ROBO1: variants seen among roughly 807,000 people sequenced by gnomAD.
ROBO1 encodes roundabout homolog 1.
Under a neutral mutation model 195.9 loss-of-function variants are expected in ROBO1, and 149 were observed. That is an observed-to-expected ratio of 0.76 (90% CI 0.67 to 0.87). ROBO1 has a LOEUF of 0.87. ROBO1 is among the 40% of genes least tolerant of loss of function. The pLI is 0.00. For missense variants in ROBO1, 1,933 were observed against 2,068.3 expected (o/e 0.93, Z 1.27); for synonymous variants, 816 against 733.2 (o/e 1.11, Z -1.82).
Position 79,234,631 on chromosome 3 carries a change from C to G in ROBO1, c.89-109092G>C, listed in dbSNP as rs757525772. On this transcript the variant is annotated intron_variant, in intron 2 of 30. Coordinates refer to ENST00000464233, the MANE Select transcript of ROBO1 (RefSeq NM_002941.4). ...TATGGTACATATACACCATGGAATA[C>G]TATGCAGCCATAAAAAGAATGAAAT... is the stretch of plus-strand genomic sequence containing the variant. Among the ~76,000 whole-genome samples, 8 of 152,092 alleles carry G rather than the reference C, an allele frequency of 5.3e-5. 1 individual carries two copies. Among genetic ancestry groups the G allele is most frequent in the Admixed American group, 2.6e-4 (4 of 15,264 alleles).
chr3:79,755,939 G>A (rs1267623973), intron 1 of ROBO1, among the ~76,000 whole-genome samples: 3 of 152,160 alleles, frequency 2.0e-5, no homozygotes, highest in Non-Finnish European at 4.4e-5. Flanking sequence ...ATACTCAACA[G>A]GAAGTCCTCC....
rs374218937 is a variant in ROBO1 at position 78,768,873 on chromosome 3, T to C, written c.500-21973A>G. 5.5e-4 allele frequency among the ~76,000 whole-genome samples: 77 copies of C among 138,940 alleles called. No homozygotes were observed. The East Asian group carries it at 0.012, about 22-fold the overall frequency. The allele number at this position is 138,940 out of a possible 152,430, so 91.2% of individuals were successfully genotyped here. A position where few individuals can be genotyped will look rare whatever the true frequency, so the allele number is the denominator to read the frequency against. ...CCCTTCCTGTGTCCATGTGATCTCA[T>C]TGTTCAATTCCCACCTATGAGTGAG... is the stretch of plus-strand genomic sequence containing the variant. On this transcript the variant is annotated intron_variant, in intron 4 of 30. Coordinates refer to ENST00000464233, the MANE Select transcript of ROBO1 (RefSeq NM_002941.4).
At chr3:79,096,492 T>C (rs2079568902) in intron 3 of ROBO1, among the ~76,000 whole-genome samples, 1 of 151,746 alleles carries the variant, frequency 6.6e-6, no homozygotes, top group East Asian at 1.9e-4. Flanking sequence ...TGTAATCTGG[T>C]GGAATAACTC....
chr3:78,624,485 A>C (rs1278089122), intron 26 of ROBO1, among the ~76,000 whole-genome samples: 2 of 152,092 alleles, frequency 1.3e-5, no homozygotes. Flanking sequence ...AAAATAGTCA[A>C]ATTGATTGTA....
At chr3:78,884,305 C>A (rs1055185615) in intron 4 of ROBO1, among the ~76,000 whole-genome samples, 1 of 151,960 alleles carries the variant, frequency 6.6e-6, no homozygotes, top group Non-Finnish European at 1.5e-5. Context: ...AGCAAGAAAG[C>A]CAGTTATCAA....
intron 2 of ROBO1, among the ~76,000 whole-genome samples, chr3:79,338,476 G>C (rs1300311732): frequency 1.3e-5 from 2 of 152,070 alleles, no homozygotes; most frequent in Non-Finnish European, 2.9e-5. Flanking sequence ...CTGATTACCA[G>C]ATTCAGAGTC....
intron 2 of ROBO1, among the ~76,000 whole-genome samples, chr3:79,566,363 T>C (rs1559998284): frequency 6.6e-6 from 1 of 152,114 alleles, no homozygotes; most frequent in Non-Finnish European, 1.5e-5. Context: ...AAATAAATTA[T>C]AATTTGCATT....
intron 2 of ROBO1, among the ~76,000 whole-genome samples, chr3:79,308,521 C>T (rs573844512): frequency 4.6e-5 from 7 of 152,068 alleles, no homozygotes; most frequent in Admixed American, 2.6e-4. Context: ...TAGTACTATG[C>T]GAATTAGTGT....
intron 21 of ROBO1, among the ~76,000 whole-genome samples, chr3:78,642,896 A>G (rs1175671436): frequency 6.6e-6 from 1 of 152,066 alleles, no homozygotes; most frequent in Non-Finnish European, 1.5e-5. Flanking sequence ...AGCCTCCACA[A>G]TTTCTCTGAA....
intron 2 of ROBO1, among the ~76,000 whole-genome samples, chr3:79,564,130 T>G (rs927831652): frequency 6.6e-6 from 1 of 150,840 alleles, no homozygotes; most frequent in African/African-American, 2.5e-5. Flanking sequence ...TTGTTCACAA[T>G]TAGAAAATCC....
In ROBO1 at chr3:79,712,411, A is replaced by G. The variant is rs1702313219; in HGVS notation, c.-51+55341T>C. ...TGAAACAAGCCACAACATTCCCTTA[A>G]GCCAAAACCTAATCTAGAGCAAGGC... On this transcript the variant is annotated intron_variant, in intron 1 of 30. Transcript: ENST00000464233. 2.0e-5 allele frequency among the ~76,000 whole-genome samples: 3 copies of G among 152,306 alleles called. No individual in the cohort carries two copies. In the South Asian group the frequency reaches 6.2e-4, roughly 32 times the overall value.
chr3:79,468,538 CTATT>C (rs1295653756), intron 2 of ROBO1, among the ~76,000 whole-genome samples: 9 of 152,110 alleles, frequency 5.9e-5, no homozygotes, highest in Non-Finnish European at 1.0e-4. Flanking sequence ...AAAGATACCT[CTATT>C]TAAGTGGCAA....
intron 2 of ROBO1, among the ~76,000 whole-genome samples, chr3:79,126,455 A>G (rs1466770893): frequency 6.6e-6 from 1 of 152,180 alleles, no homozygotes; most frequent in Admixed American, 6.5e-5. Context: ...TAGAAGCTCA[A>G]TGACACTACC....
In ROBO1 at chr3:78,750,454, AAAATAAATAAAT is replaced by A. The variant is rs60201979; in HGVS notation, c.500-3566_500-3555del. On this transcript the variant is annotated intron_variant, in intron 4 of 30. Coordinates refer to ENST00000464233, the MANE Select transcript of ROBO1 (RefSeq NM_002941.4). ...GGCAACAGAGCAAGACTCCATCTCAAAAATAAATAAATAAATAAATAAATAAATAAATAAATA... is the reference window on the plus strand; with the variant it reads ...GGCAACAGAGCAAGACTCCATCTCAAAAATAAATAAATAAATAAATAAATA... Among the ~76,000 whole-genome samples, 648 of 135,998 alleles carry A rather than the reference AAAATAAATAAAT, an allele frequency of 4.8e-3. 1 individual carries two copies. The highest frequency in any genetic ancestry group is 8.5e-3 in the African/African-American group (309 of 36,268). 89.2% of individuals were successfully genotyped at this position (135,998 alleles called of 152,430 possible).
chr3:79,625,991 T>C (rs1945166314), intron 1 of ROBO1, among the ~76,000 whole-genome samples: 1 of 152,074 alleles, frequency 6.6e-6, no homozygotes, highest in Non-Finnish European at 1.5e-5. Context: ...CAGCAGCACA[T>C]CAAAAACTTA....
intron 2 of ROBO1, among the ~76,000 whole-genome samples, chr3:79,379,231 G>A (rs2036488803): frequency 6.6e-6 from 1 of 152,116 alleles, no homozygotes; most frequent in South Asian, 2.1e-4. Flanking sequence ...TATTGCTCTC[G>A]ATTACGTTTC....
chr3:79,045,686 G>A (rs1026355531), intron 3 of ROBO1, among the ~76,000 whole-genome samples: 2 of 151,934 alleles, frequency 1.3e-5, no homozygotes, highest in Non-Finnish European at 2.9e-5. Context: ...GAACTAGACG[G>A]TGCCCTACAA....
intron 2 of ROBO1, among the ~76,000 whole-genome samples, chr3:79,409,265 C>CA (rs968224750): frequency 2.0e-5 from 3 of 151,190 alleles, no homozygotes; most frequent in Admixed American, 6.6e-5. Flanking sequence ...TAGAATATGA[C>CA]AAAAAAAAGA....
At chr3:78,783,136 T>C (rs969859076) in intron 4 of ROBO1, among the ~76,000 whole-genome samples, 3 of 152,204 alleles carry the variant, frequency 2.0e-5, no homozygotes, top group African/African-American at 7.2e-5. Flanking sequence ...AATTTTGTTA[T>C]GTGGATATAT....
Sources: allele counts gnomAD v4.1 joint callset (sites outside exome capture counted in the v4.1 genomes callset), GRCh38; gene constraint gnomAD v4.1.1; transcripts MANE v1.5; gene names NCBI Gene and HGNC (gene_info 2026-07-23, HGNC 2026-07-21).